The following SRD5A3 variants were observed in gnomAD, a reference collection of about 807,000 sequenced individuals.
The protein encoded by SRD5A3 is steroid 5 alpha-reductase 3.
SRD5A3 carries 24 observed loss-of-function variants against 34.3 expected under a neutral mutation model. The observed-to-expected ratio is 0.70, with a 90% confidence interval of 0.51 to 0.99. The LOEUF is 0.99. Among genes scored for constraint, SRD5A3 ranks in the 50% least tolerant of loss-of-function variants. The pLI, the probability that SRD5A3 is intolerant of heterozygous loss-of-function variation, is 0.00. For synonymous variants in SRD5A3, 161 were observed against 167.3 expected (o/e 0.96, Z 0.29); for missense variants, 350 against 388.2 (o/e 0.90, Z 0.83).
At chr4:55,364,397 TTCA>T in intron 3 of SRD5A3, 126 bp downstream of exon 3, 1 of 1,139,776 alleles carries the variant, frequency 8.8e-7, no homozygotes, top group Non-Finnish European at 1.3e-6. Context: ...CATTTTGCAT[TTCA>T]GGAGATGAGA....
chr4:55,358,219 A>AT (rs1719540513), intron 1 of SRD5A3, among the ~76,000 whole-genome samples: 1 of 152,170 alleles, frequency 6.6e-6, no homozygotes, highest in Non-Finnish European at 1.5e-5. Context: ...AAAAGTATAC[A>AT]TAAACAGACC....
At chr4:55,367,397 T>C (rs1719941425) in intron 3 of SRD5A3, among the ~76,000 whole-genome samples, 191 bp from the exon 4 acceptor site, 1 of 152,206 alleles carries the variant, frequency 6.6e-6, no homozygotes. Flanking sequence ...CCCTCTGTAT[T>C]GGGAAATTAC....
At chr4:55,363,231 G>A (rs1056822473) in intron 2 of SRD5A3, among the ~76,000 whole-genome samples, 1 of 152,004 alleles carries the variant, frequency 6.6e-6, no homozygotes, top group Admixed American at 6.5e-5. Context: ...CTGGAGGATG[G>A]CTTGAGGCCC....
intron 2 of SRD5A3, 152 bp downstream of exon 2, chr4:55,359,640 G>A (rs1323345769): frequency 1.6e-5 from 17 of 1,039,558 alleles, no homozygotes; most frequent in Admixed American, 1.1e-4. Flanking sequence ...AGCTTTGCAC[G>A]GTTCATTGCC....
In SRD5A3 at chr4:55,372,072, T is replaced by G. The variant is rs1163343306; in HGVS notation, c.*1981T>G. 2 of 152,218 alleles carry G rather than the reference T, an allele frequency of 1.3e-5. No homozygotes were observed. Among genetic ancestry groups the G allele is most frequent in the African/African-American group, 2.4e-5 (1 of 41,446 alleles). The allele number at this position is 152,218 out of a possible 1,614,324, so 9.4% of individuals were successfully genotyped here. On this transcript the variant is annotated 3_prime_UTR_variant, in exon 5 of 5. Coordinates refer to ENST00000264228, the MANE Select transcript of SRD5A3 (RefSeq NM_024592.5). ...TCAGTCTACTTAAATAAATGCCATA[T>G]TTATTTTACTTATCATTTAGAATTT...
intron 1 of SRD5A3, among the ~76,000 whole-genome samples, chr4:55,349,924 A>G (rs1158624879): frequency 1.3e-5 from 2 of 152,220 alleles, no homozygotes; most frequent in South Asian, 2.1e-4. Flanking sequence ...TCTACAAACT[A>G]CGGTAGAATT....
At chr4:55,357,525 A>C (rs2109471351) in intron 1 of SRD5A3, among the ~76,000 whole-genome samples, 1 of 152,350 alleles carries the variant, frequency 6.6e-6, no homozygotes, top group East Asian at 1.9e-4. Context: ...ATCAGTAGCC[A>C]CAGGTGGCGA....
chr4:55,348,119 T>A (rs1370893681), intron 1 of SRD5A3, among the ~76,000 whole-genome samples: 1 of 152,214 alleles, frequency 6.6e-6, no homozygotes, highest in East Asian at 1.9e-4. Flanking sequence ...TTTTCCTTAT[T>A]CATTACTGTA....
chr4:55,367,567 T>C (rs1258549483), intron 3 of SRD5A3, 21 bp from the exon 4 acceptor site: 5 of 1,613,486 alleles, frequency 3.1e-6, no homozygotes, highest in Non-Finnish European at 4.2e-6. Context: ...TAGTGTTGGC[T>C]AACAATTCTC....
intron 2 of SRD5A3, among the ~76,000 whole-genome samples, chr4:55,360,687 C>G (rs1436548031): frequency 8.1e-6 from 1 of 123,148 alleles, no homozygotes; most frequent in South Asian, 2.9e-4. Flanking sequence ...GAATATGGAA[C>G]GTTTTTTTTT....
intron 2 of SRD5A3, 59 bp downstream of exon 2, chr4:55,359,547 A>G: frequency 1.9e-6 from 3 of 1,610,242 alleles, no homozygotes; most frequent in African/African-American, 1.3e-5. Flanking sequence ...TCCTGTCTGC[A>G]AGGGAGCAGT....
At chr4:55,363,885 G>A (rs1246217112) in intron 2 of SRD5A3, 189 bp from the exon 3 acceptor site, 1 of 658,260 alleles carries the variant, frequency 1.5e-6, no homozygotes, top group African/African-American at 2.0e-5. Flanking sequence ...CCAGTGAACT[G>A]TGTAACACAG....
At chr4:55,350,698 T>G (rs1265751533) in intron 1 of SRD5A3, among the ~76,000 whole-genome samples, 1 of 151,530 alleles carries the variant, frequency 6.6e-6, no homozygotes, top group Non-Finnish European at 1.5e-5. Context: ...ATAACGTAAA[T>G]CAAAAAAAGC....
chr4:55,370,246 T>C lies in SRD5A3; in HGVS notation c.*155T>C, dbSNP rs1720071697. 1.1e-6 allele frequency: 1 copy of C among 946,792 alleles called. No homozygotes were observed. Among genetic ancestry groups the C allele is most frequent in the Admixed American group, 2.2e-5 (1 of 45,934 alleles). The allele number at this position is 946,792 out of a possible 1,614,324, so 58.6% of individuals were successfully genotyped here. On this transcript the variant is annotated 3_prime_UTR_variant, in exon 5 of 5. Transcript: ENST00000264228. ...AGTTTTCACTGAATGAGCATGGCAG[T>C]GCCACTCAAGAAAATGAATCTCCAA... is the stretch of plus-strand genomic sequence containing the variant.
chr4:55,355,457 G>GA (rs558288385), intron 1 of SRD5A3, among the ~76,000 whole-genome samples: 4,134 of 127,092 alleles, frequency 0.033, 100 homozygotes, highest in African/African-American at 0.075. Context: ...GACTCCGTCT[G>GA]AAAAAAAAAA....
chr4:55,371,062 TTTTA>T lies in SRD5A3; in HGVS notation c.*976_*979del, dbSNP rs371733052. The T allele has an allele frequency of 2.0e-5, 3 of 152,314 alleles. No homozygotes were observed. Among genetic ancestry groups the T allele is most frequent in the African/African-American group, 4.8e-5 (2 of 41,556 alleles). The allele number at this position is 152,314 out of a possible 1,614,324, so 9.4% of individuals were successfully genotyped here. A position where few individuals can be genotyped will look rare whatever the true frequency, so the allele number is the denominator to read the frequency against. On this transcript the variant is annotated 3_prime_UTR_variant, in exon 5 of 5. Coordinates refer to ENST00000264228, the MANE Select transcript of SRD5A3 (RefSeq NM_024592.5). ...GCCTAACAGAACACTTTGAAAGCTC[TTTTA>T]TTTAATATTTTTTTACATCCTTTGA...
rs1308492532 is a variant in SRD5A3, at chr4:55,370,466, CACACACAAAG to C, written c.*376_*385del. On this transcript the variant is annotated 3_prime_UTR_variant, in exon 5 of 5. Transcript: ENST00000264228. ...ACACACACACACACACACACACACA[CACACACAAAG>C]GAAGATCATCAATGGCTGCGGTAGC... 21 of 253,424 alleles carry C rather than the reference CACACACAAAG, an allele frequency of 8.3e-5. No homozygotes were observed. The highest frequency in any genetic ancestry group is 5.5e-4 in the African/African-American group (21 of 38,082). The allele number at this position is 253,424 out of a possible 1,614,324, so 15.7% of individuals were successfully genotyped here. A position where few individuals can be genotyped will look rare whatever the true frequency, so the allele number is the denominator to read the frequency against.
chr4:55,368,158 C>G (rs1255028844), intron 4 of SRD5A3, among the ~76,000 whole-genome samples: 1 of 152,034 alleles, frequency 6.6e-6, no homozygotes, highest in African/African-American at 2.4e-5. Context: ...AGGAGGATCA[C>G]TTGAGGTCAG....
intron 4 of SRD5A3, 21 bp downstream of exon 4, chr4:55,367,743 T>C: frequency 6.2e-7 from 1 of 1,613,990 alleles, no homozygotes; most frequent in South Asian, 1.1e-5. Flanking sequence ...TTTTAGAGCC[T>C]CTGCATATGG....
Sources: gnomAD v4.1 joint callset for allele counts (sites outside exome capture counted in the v4.1 genomes callset) on GRCh38, gnomAD v4.1.1 for gene constraint, MANE v1.5 for transcripts, NCBI Gene and HGNC (gene_info 2026-07-23, HGNC 2026-07-21) for gene names.